SLC39A12: variants seen among roughly 807,000 people sequenced by gnomAD.
The protein encoded by SLC39A12 is zinc transporter ZIP12.
SLC39A12 carries 63 observed loss-of-function variants against 71.1 expected under a neutral mutation model. The ratio of observed to expected loss-of-function variants is 0.89; its 90% CI spans 0.72 to 1.09. The LOEUF is 1.09. SLC39A12 is among the 50% of genes least tolerant of loss of function. The pLI is 0.00. For synonymous variants in SLC39A12, 351 were observed against 301.3 expected, an observed-to-expected ratio of 1.16 and a Z score of -1.71; for missense variants, 892 against 812.6, an observed-to-expected ratio of 1.10 and a Z score of -1.19.
At chr10:17,967,066 A>C (rs993676742) in intron 4 of SLC39A12, among the ~76,000 whole-genome samples, 1 of 152,154 alleles carries the variant, frequency 6.6e-6, no homozygotes, top group Non-Finnish European at 1.5e-5. Context: ...ATAAAATGCA[A>C]ATTGTTGGTT....
intron 12 of SLC39A12, among the ~76,000 whole-genome samples, chr10:18,035,712 A>C (rs1194190682): frequency 1.3e-5 from 2 of 152,198 alleles, no homozygotes; most frequent in African/African-American, 4.8e-5. Context: ...CCGCTGGAGG[A>C]GGAGAGATGC....
intron 12 of SLC39A12, among the ~76,000 whole-genome samples, chr10:18,008,128 C>T (rs1321514844): frequency 6.6e-6 from 1 of 152,192 alleles, no homozygotes; most frequent in Non-Finnish European, 1.5e-5. Flanking sequence ...TGCAGGAGTT[C>T]TCAACCCCTG....
At chr10:17,956,161 CAT>C (rs1200554296) in intron 2 of SLC39A12, among the ~76,000 whole-genome samples, 3 of 152,266 alleles carry the variant, frequency 2.0e-5, no homozygotes, top group African/African-American at 7.2e-5. Flanking sequence ...ATCACACGGA[CAT>C]GTGTGCTCCC....
chr10:17,992,724 T>C (rs1742692391), intron 8 of SLC39A12, among the ~76,000 whole-genome samples: 2 of 152,212 alleles, frequency 1.3e-5, no homozygotes, highest in African/African-American at 2.4e-5. Context: ...AGATTGTTTA[T>C]GGGCTTGTCA....
At chr10:17,959,018 C>T (rs1479790663) in intron 2 of SLC39A12, among the ~76,000 whole-genome samples, 1 of 152,180 alleles carries the variant, frequency 6.6e-6, no homozygotes, top group African/African-American at 2.4e-5. Flanking sequence ...CTGCACATTG[C>T]TGGGCACATG....
chr10:17,996,012 A>T (rs1835673665), intron 10 of SLC39A12, among the ~76,000 whole-genome samples: 1 of 152,208 alleles, frequency 6.6e-6, no homozygotes, highest in Admixed American at 6.5e-5. Context: ...TGTGTTTATC[A>T]TAGCTCATTT....
intron 2 of SLC39A12, among the ~76,000 whole-genome samples, chr10:17,957,265 T>G (rs960179997): frequency 6.6e-6 from 1 of 152,142 alleles, no homozygotes; most frequent in Admixed American, 6.5e-5. Context: ...AAAGCTGAAT[T>G]TCAAGGCTGG....
chr10:18,012,933 C>A (rs984660733), intron 12 of SLC39A12, among the ~76,000 whole-genome samples: 2 of 149,888 alleles, frequency 1.3e-5, no homozygotes, highest in Admixed American at 6.6e-5. Flanking sequence ...GTTAACGAAG[C>A]GTGAGGACAT....
At chr10:18,022,406 T>C (rs1265779560) in intron 12 of SLC39A12, among the ~76,000 whole-genome samples, 2 of 152,192 alleles carry the variant, frequency 1.3e-5, no homozygotes, top group Non-Finnish European at 2.9e-5. Context: ...TCTTTCCTCA[T>C]CTTGGTCTGT....
At chr10:17,957,372 T>C (rs1554847888) in intron 2 of SLC39A12, among the ~76,000 whole-genome samples, 1 of 152,150 alleles carries the variant, frequency 6.6e-6, no homozygotes, top group Non-Finnish European at 1.5e-5. Context: ...CTCCTTGCAT[T>C]TTAATCAGTC....
At chr10:18,039,207 T>G (rs552369878) in intron 12 of SLC39A12, among the ~76,000 whole-genome samples, 53 of 152,264 alleles carry the variant, frequency 3.5e-4, no homozygotes, top group African/African-American at 1.2e-3. Flanking sequence ...ATAATCTTGT[T>G]TGAAAAATGA....
intron 12 of SLC39A12, among the ~76,000 whole-genome samples, chr10:18,015,645 A>T (rs59489371): frequency 6.1e-5 from 1 of 16,316 alleles, no homozygotes; most frequent in African/African-American, 1.8e-4. Context: ...TTTATTTTTA[A>T]AAAAATTTTT....
chr10:17,987,701 C>T, intron 7 of SLC39A12, 50 bp downstream of exon 7: 3 of 1,591,346 alleles, frequency 1.9e-6, no homozygotes, highest in Non-Finnish European at 2.6e-6. Flanking sequence ...TTGCTCTTCA[C>T]TTTTAACCAC....
chr10:17,993,102 G>T, intron 8 of SLC39A12, 79 bp from the exon 9 acceptor site: 1 of 1,015,258 alleles, frequency 9.8e-7, no homozygotes, highest in East Asian at 2.7e-5. Flanking sequence ...ATAGGCAATG[G>T]AATGGAACCG....
intron 4 of SLC39A12, among the ~76,000 whole-genome samples, chr10:17,972,483 C>T (rs904261316): frequency 3.3e-5 from 5 of 152,122 alleles, no homozygotes; most frequent in African/African-American, 1.2e-4. Flanking sequence ...CTCTGTAGCT[C>T]TAACAATATT....
intron 5 of SLC39A12, among the ~76,000 whole-genome samples, chr10:17,979,271 T>G (rs1835193906): frequency 6.6e-6 from 1 of 152,182 alleles, no homozygotes; most frequent in African/African-American, 2.4e-5. Flanking sequence ...CAGAAGAAAT[T>G]TACTTAATGA....
At chr10:18,041,201 G>C (rs1837215056) in intron 12 of SLC39A12, among the ~76,000 whole-genome samples, 2 of 152,124 alleles carry the variant, frequency 1.3e-5, no homozygotes, top group South Asian at 4.1e-4. Context: ...TCACACAGAT[G>C]CGTGAGTGAA....
At chr10:18,032,311 C>T (rs1482037675) in intron 12 of SLC39A12, among the ~76,000 whole-genome samples, 8 of 76,076 alleles carry the variant, frequency 1.1e-4, no homozygotes, top group African/African-American at 2.1e-4. Context: ...TGTTTGTATC[C>T]TCTTTTATTT....
chr10:17,997,654 A>C (rs186147749), intron 10 of SLC39A12, among the ~76,000 whole-genome samples: 1 of 152,308 alleles, frequency 6.6e-6, no homozygotes, highest in East Asian at 1.9e-4. Flanking sequence ...ATGCAGAATG[A>C]ATAGTGAACA....
Sources: gnomAD v4.1 joint callset for allele counts (sites outside exome capture counted in the v4.1 genomes callset) on GRCh38, gnomAD v4.1.1 for gene constraint, MANE v1.5 for transcripts, NCBI Gene and HGNC (gene_info 2026-07-23, HGNC 2026-07-21) for gene names.